FHOD3: variants seen among roughly 807,000 people sequenced by gnomAD.
FHOD3 encodes FH1/FH2 domain-containing protein 3.
A neutral mutation model predicts 173.0 loss-of-function variants in FHOD3; 90 were observed. The observed-to-expected ratio is 0.52, with a 90% confidence interval of 0.44 to 0.62. The LOEUF is 0.62. Ranked by LOEUF, FHOD3 falls within the 20% of genes least tolerant of loss-of-function variation. The probability of loss-of-function intolerance (pLI) is 0.00; values close to 1 mark genes in which losing one functional copy is unlikely to be tolerated. For missense variants in FHOD3, 1,945 were observed against 2,034.7 expected (o/e 0.96, Z 0.85); for synonymous variants, 828 against 823.0 (o/e 1.01, Z -0.10).
intron 17 of FHOD3, among the ~76,000 whole-genome samples, chr18:36,707,973 C>T (rs904838283): frequency 6.6e-6 from 1 of 152,216 alleles, no homozygotes; most frequent in Admixed American, 6.5e-5. Context: ...CCACCCTCCT[C>T]CAGCCTTCAT....
chr18:36,407,567 G>A (rs559007722), intron 3 of FHOD3, among the ~76,000 whole-genome samples: 4 of 152,318 alleles, frequency 2.6e-5, no homozygotes, highest in African/African-American at 9.6e-5. Flanking sequence ...GTTCAAAAAG[G>A]TTCCCAGATA....
At chr18:36,329,366 C>T (rs1411592089) in intron 1 of FHOD3, among the ~76,000 whole-genome samples, 3 of 152,338 alleles carry the variant, frequency 2.0e-5, no homozygotes, top group South Asian at 4.1e-4. Context: ...TACTGTTGCT[C>T]TTGCTGCCTG....
In FHOD3 at chr18:36,755,179, A is replaced by G; in HGVS notation, c.4293A>G (p.Ile1431Met). ...CTTATGCAATTCGGGAAGTGAACAT[A>G]AACAAATTCTGCAGGATTATTAGTG... Reference protein sequence around the residue: ...HPPYAIREVNINKFCRIISEF... With the variant: ...HPPYAIREVNMNKFCRIISEF... Residue 1431 changes from isoleucine to methionine, a missense_variant, in exon 25 of 29, where the codon ATA (isoleucine) becomes ATG (methionine). This residue lies in a region of FHOD3 where 354 missense variants were observed against 359.9 expected (regional missense o/e 0.98). Transcript: ENST00000590592. 1 of 1,612,422 alleles carries G rather than the reference A, an allele frequency of 6.2e-7. No individual in the cohort carries two copies. Among genetic ancestry groups the G allele is most frequent in the Non-Finnish European group, 8.5e-7 (1 of 1,179,296 alleles).
intron 3 of FHOD3, among the ~76,000 whole-genome samples, chr18:36,461,766 C>T (rs78056208): frequency 0.05 from 7,551 of 152,118 alleles, 581 homozygotes; most frequent in African/African-American, 0.17. Context: ...CCTTGCAGAA[C>T]TGGGGTTCTG....
intron 1 of FHOD3, among the ~76,000 whole-genome samples, chr18:36,348,257 T>C (rs2045958479): frequency 6.6e-6 from 1 of 152,194 alleles, no homozygotes; most frequent in Non-Finnish European, 1.5e-5. Context: ...GCAACAAAAG[T>C]ACCATTTGAG....
chr18:36,641,142 A>T (rs1459078388), intron 10 of FHOD3, among the ~76,000 whole-genome samples: 1 of 152,104 alleles, frequency 6.6e-6, no homozygotes, highest in African/African-American at 2.4e-5. Flanking sequence ...CAGGCAGCAA[A>T]TACTTATTGG....
chr18:36,524,281 C>CAA (rs34510109), intron 5 of FHOD3, among the ~76,000 whole-genome samples: 46 of 111,916 alleles, frequency 4.1e-4, no homozygotes, highest in African/African-American at 1.3e-3. Flanking sequence ...GGCTCTACCT[C>CAA]AAAAAAAAAA....
At chr18:36,658,259 T>C (rs1324299584) in intron 14 of FHOD3, 71 bp downstream of exon 14, 2 of 1,028,748 alleles carry the variant, frequency 1.9e-6, no homozygotes, top group African/African-American at 3.4e-5. Context: ...TAAGTGTGGT[T>C]AAAGGAAAAA....
intron 1 of FHOD3, among the ~76,000 whole-genome samples, chr18:36,344,734 A>G (rs1032487225): frequency 1.3e-5 from 2 of 152,208 alleles, no homozygotes; most frequent in Non-Finnish European, 2.9e-5. Flanking sequence ...AGTCTTTGAT[A>G]TATTTTTATT....
At chr18:36,641,736 A>G (rs1313505651) in intron 10 of FHOD3, among the ~76,000 whole-genome samples, 2 of 152,122 alleles carry the variant, frequency 1.3e-5, no homozygotes, top group Non-Finnish European at 2.9e-5. Context: ...TGGGTGGATC[A>G]CTTGAAGTCA....
chr18:36,706,898 G>A (rs914693076), intron 17 of FHOD3, among the ~76,000 whole-genome samples: 1 of 152,200 alleles, frequency 6.6e-6, no homozygotes, highest in Non-Finnish European at 1.5e-5. Context: ...TGTGCTTTCT[G>A]TCAACCAAAT....
Position 36,450,166 on chromosome 18 carries a change from C to T in FHOD3, c.338-51766C>T, listed in dbSNP as rs148173802. On this transcript the variant is annotated intron_variant, in intron 3 of 28. Coordinates refer to ENST00000590592, the MANE Select transcript of FHOD3 (RefSeq NM_001281740.3). ...GCTCCCACCTATGAGTGAGAACATA[C>T]GATGTTTGGTTTTCTCTTCTGAGTT... Among the ~76,000 whole-genome samples the T allele has an allele frequency of 3.8e-3, 576 of 152,222 alleles. 8 individuals carry two copies. Among genetic ancestry groups the T allele is most frequent in the African/African-American group, 0.013 (556 of 41,536 alleles).
intron 3 of FHOD3, among the ~76,000 whole-genome samples, chr18:36,444,271 A>T (rs1417867093): frequency 6.6e-6 from 1 of 151,010 alleles, no homozygotes; most frequent in Non-Finnish European, 1.5e-5. Flanking sequence ...TGTTTTTCAG[A>T]GTTACTTAAG....
chr18:36,400,389 A>G (rs1374391882), intron 3 of FHOD3, among the ~76,000 whole-genome samples: 4 of 152,094 alleles, frequency 2.6e-5, no homozygotes, highest in African/African-American at 4.8e-5. Flanking sequence ...TGTAAGTCCA[A>G]TTGGTTCCTG....
intron 1 of FHOD3, among the ~76,000 whole-genome samples, chr18:36,317,808 A>G (rs556930574): frequency 1.2e-3 from 190 of 152,256 alleles, no homozygotes; most frequent in Middle Eastern, 6.8e-3. Context: ...GCCCATACCT[A>G]TATCCTGAAT....
intron 1 of FHOD3, among the ~76,000 whole-genome samples, chr18:36,318,008 G>C (rs370912360): frequency 2.6e-5 from 4 of 152,086 alleles, no homozygotes; most frequent in Non-Finnish European, 5.9e-5. Context: ...TCTTGTTTTT[G>C]TCAGGTTTGT....
chr18:36,481,381 G>A (rs1364483495), intron 3 of FHOD3, among the ~76,000 whole-genome samples: 1 of 151,984 alleles, frequency 6.6e-6, no homozygotes. Flanking sequence ...TTACCATATG[G>A]TCCTTCTAGT....
At chr18:36,516,890 C>G (rs2056014238) in intron 5 of FHOD3, among the ~76,000 whole-genome samples, 1 of 152,182 alleles carries the variant, frequency 6.6e-6, no homozygotes, top group Non-Finnish European at 1.5e-5. Flanking sequence ...TCCTACAGCC[C>G]CAGGGGAAAC....
intron 10 of FHOD3, among the ~76,000 whole-genome samples, chr18:36,630,275 A>G (rs2034418111): frequency 6.6e-6 from 1 of 152,244 alleles, no homozygotes; most frequent in Non-Finnish European, 1.5e-5. Context: ...GGCATTTTAC[A>G]AACAAATGTC....
Sources: allele counts gnomAD v4.1 joint callset (sites outside exome capture counted in the v4.1 genomes callset), GRCh38; gene constraint gnomAD v4.1.1; regional missense constraint gnomAD v4.1.1; transcripts MANE v1.5; gene names NCBI Gene and HGNC (gene_info 2026-07-23, HGNC 2026-07-21).